SH3RF3: variants seen among roughly 807,000 people sequenced by gnomAD.
SH3RF3 encodes SH3 domain containing ring finger 3.
In SH3RF3, 29 loss-of-function variants were observed where a neutral mutation model predicts 66.3. The observed-to-expected ratio is 0.44, with a 90% CI of 0.33 to 0.60. SH3RF3 has a LOEUF of 0.60. SH3RF3 is among the 20% of genes least tolerant of loss of function. The pLI, the probability that SH3RF3 is intolerant of heterozygous loss-of-function variation, is 0.04. For missense variants in SH3RF3, 1,194 were observed against 1,190.9 expected (o/e 1.00, Z -0.04); for synonymous variants, 583 against 532.0 (o/e 1.10, Z -1.32).
chr2:109,387,433 A>G (rs1333797596), intron 3 of SH3RF3, among the ~76,000 whole-genome samples: 1 of 152,016 alleles, frequency 6.6e-6, no homozygotes, highest in Non-Finnish European at 1.5e-5. Flanking sequence ...ATTTCTGCCC[A>G]TGTGTCTGCT....
rs569854669 is a variant in SH3RF3 at position 109,189,983 on chromosome 2, G to T, written c.573+59870G>T. ...ATGTTCCCCTGGTGTTTCTCTAACA[G>T]ATCTGCTCGTGGTTTATCATGGAAG... On this transcript the variant is annotated intron_variant, in intron 1 of 9. Transcript: ENST00000309415. Among the ~76,000 whole-genome samples the T allele has an allele frequency of 1.4e-4, 21 of 152,328 alleles. No individual in the cohort carries two copies. In the South Asian group the frequency reaches 4.4e-3, roughly 32 times the overall value.
At position 109,359,006 on chromosome 2, in the gene SH3RF3, G is replaced by A. The variant is rs555871367; in HGVS notation, c.849+11057G>A. On this transcript the variant is annotated intron_variant, in intron 2 of 9. Transcript: ENST00000309415. ...TAGATTTTTTGCATGTGGATGTCTA[G>A]TTTTCCTACCACTGTTTATTTTAAA... 2.6e-5 allele frequency among the ~76,000 whole-genome samples: 4 copies of A among 152,248 alleles called. No individual in the cohort carries two copies. In the South Asian group the frequency reaches 8.3e-4, roughly 32 times the overall value.
In SH3RF3 at chr2:109,217,803, G is replaced by A. The variant is rs116493846; in HGVS notation, c.573+87690G>A. ...GCATCTGATTGCTGGCCTGGCTGTG[G>A]TGCTGGGCAGGCTGGACACCACCAG... On this transcript the variant is annotated intron_variant, in intron 1 of 9. Transcript: ENST00000309415. Among the ~76,000 whole-genome samples, 622 of 152,334 alleles carry A rather than the reference G, an allele frequency of 4.1e-3. 3 individuals carry two copies. The highest frequency in any genetic ancestry group is 6.3e-3 in the Admixed American group (97 of 15,308).
At chr2:109,428,713 C>G (rs1677105953) in intron 5 of SH3RF3, among the ~76,000 whole-genome samples, 1 of 152,258 alleles carries the variant, frequency 6.6e-6, no homozygotes, top group Non-Finnish European at 1.5e-5. Flanking sequence ...GAAGTACCAA[C>G]CTGTGAGAAT....
At chr2:109,153,247 A>C (rs1009339635) in intron 1 of SH3RF3, among the ~76,000 whole-genome samples, 1 of 152,228 alleles carries the variant, frequency 6.6e-6, no homozygotes, top group Non-Finnish European at 1.5e-5. Context: ...AATAAAAGAA[A>C]TTACATTAAT....
chr2:109,308,957 G>A (rs1681662724), intron 1 of SH3RF3, among the ~76,000 whole-genome samples: 1 of 81,006 alleles, frequency 1.2e-5, no homozygotes, highest in Non-Finnish European at 2.0e-5. Context: ...CCAATTCTGT[G>A]AAGAAAGTCA....
At chr2:109,172,518 C>T (rs1349126417) in intron 1 of SH3RF3, among the ~76,000 whole-genome samples, 1 of 152,202 alleles carries the variant, frequency 6.6e-6, no homozygotes, top group Non-Finnish European at 1.5e-5. Flanking sequence ...ATTTTCCTTT[C>T]TTACCTCCCT....
In SH3RF3 at chr2:109,496,953, G is replaced by A. The variant is rs1679275712; in HGVS notation, c.2481-4550G>A. ...CATGATGTGAGCACTCCCCTTTGAA[G>A]ATGGAGGAAGAAGCCTCCAGAGAAG... On this transcript the variant is annotated intron_variant, in intron 9 of 9. Transcript: ENST00000309415. Among the ~76,000 whole-genome samples the A allele has an allele frequency of 2.0e-5, 3 of 152,162 alleles. No homozygotes were observed. In the South Asian group the frequency reaches 6.2e-4, roughly 32 times the overall value.
intron 1 of SH3RF3, among the ~76,000 whole-genome samples, chr2:109,238,338 A>G (rs1026741649): frequency 5.3e-5 from 8 of 152,232 alleles, no homozygotes; most frequent in Non-Finnish European, 4.4e-5. Flanking sequence ...AAATCTATGC[A>G]CAGAGACAAG....
chr2:109,155,299 C>T (rs1677317940), intron 1 of SH3RF3, among the ~76,000 whole-genome samples: 1 of 152,042 alleles, frequency 6.6e-6, no homozygotes, highest in Non-Finnish European at 1.5e-5. Flanking sequence ...GAAGTTGGAT[C>T]TTTGTTTTGT....
chr2:109,426,965 T>C (rs550611234), intron 5 of SH3RF3, among the ~76,000 whole-genome samples: 1 of 101,416 alleles, frequency 9.9e-6, no homozygotes, highest in Non-Finnish European at 1.9e-5. Flanking sequence ...GGCAATAAAA[T>C]ATATATATAT....
At chr2:109,197,163 G>GC (rs1678524380) in intron 1 of SH3RF3, among the ~76,000 whole-genome samples, 2 of 152,216 alleles carry the variant, frequency 1.3e-5, no homozygotes, top group Admixed American at 6.5e-5. Flanking sequence ...TCCTGCTGCA[G>GC]CCCTGCGGCC....
chr2:109,131,311 T>TG (rs1189669530), intron 1 of SH3RF3, among the ~76,000 whole-genome samples: 3 of 152,194 alleles, frequency 2.0e-5, no homozygotes, highest in Admixed American at 6.5e-5. Flanking sequence ...GGGGGTCACT[T>TG]GGGGGGCACT....
intron 2 of SH3RF3, among the ~76,000 whole-genome samples, chr2:109,358,699 G>A (rs946511793): frequency 6.6e-6 from 1 of 152,150 alleles, no homozygotes; most frequent in African/African-American, 2.4e-5. Context: ...TATCATAGTT[G>A]TCTTTTGATA....
chr2:109,369,928 G>GA (rs1178772795), intron 2 of SH3RF3, among the ~76,000 whole-genome samples: 5 of 152,212 alleles, frequency 3.3e-5, no homozygotes, highest in Non-Finnish European at 7.3e-5. Flanking sequence ...AGGCTCCTTG[G>GA]AAAGGCGGGT....
intron 3 of SH3RF3, among the ~76,000 whole-genome samples, chr2:109,384,424 G>A (rs1675771978): frequency 1.3e-5 from 2 of 152,184 alleles, no homozygotes; most frequent in South Asian, 2.1e-4. Flanking sequence ...GGGGCAGGGA[G>A]GGAGCAGGTC....
At chr2:109,186,664 G>T (rs1308733923) in intron 1 of SH3RF3, among the ~76,000 whole-genome samples, 1 of 152,188 alleles carries the variant, frequency 6.6e-6, no homozygotes, top group African/African-American at 2.4e-5. Context: ...GGAAGACCCT[G>T]CGGGAAATGC....
intron 3 of SH3RF3, among the ~76,000 whole-genome samples, chr2:109,380,189 G>GC (rs1447026779): frequency 5.3e-5 from 8 of 152,188 alleles, no homozygotes; most frequent in Admixed American, 3.3e-4. Flanking sequence ...ATAGGTAGGT[G>GC]CCTAGGTACC....
intron 1 of SH3RF3, among the ~76,000 whole-genome samples, chr2:109,256,975 A>T (rs1680236052): frequency 6.6e-6 from 1 of 152,154 alleles, no homozygotes. Flanking sequence ...GGAGGGAGTT[A>T]TTCCGCCTCT....
Sources: allele counts gnomAD v4.1 joint callset (sites outside exome capture counted in the v4.1 genomes callset), GRCh38; gene constraint gnomAD v4.1.1; transcripts MANE v1.5; gene names NCBI Gene and HGNC (gene_info 2026-07-23, HGNC 2026-07-21).